SNX30: variants seen among roughly 807,000 people sequenced by gnomAD.
SNX30 encodes the protein sorting nexin family member 30, also known as sorting nexin-30.
A neutral mutation model predicts 46.4 loss-of-function variants in SNX30; 24 were observed. The ratio of observed to expected loss-of-function variants is 0.52; its 90% confidence interval spans 0.37 to 0.73. The LOEUF is 0.73. SNX30 is among the 30% of genes least tolerant of loss of function. The pLI, the probability that SNX30 is intolerant of heterozygous loss-of-function variation, is 0.00. For synonymous variants in SNX30, 189 were observed against 211.5 expected, an observed-to-expected ratio of 0.89 and a Z score of 0.92; for missense variants, 533 against 555.7, an observed-to-expected ratio of 0.96 and a Z score of 0.41.
At chr9:112,774,844 C>CTTT (rs1279442088) in intron 1 of SNX30, among the ~76,000 whole-genome samples, 9 of 128,782 alleles carry the variant, frequency 7.0e-5, no homozygotes, top group South Asian at 2.5e-4. Context: ...TATTTATATG[C>CTTT]TTTTTTTTTT....
chr9:112,792,202 G>A (rs958323898), intron 1 of SNX30, among the ~76,000 whole-genome samples: 4 of 152,308 alleles, frequency 2.6e-5, no homozygotes, highest in South Asian at 2.1e-4. Context: ...TTACCTCTTC[G>A]TGGATGTTCT....
In SNX30 at chr9:112,869,008, A is replaced by G. The variant is rs1477987160; in HGVS notation, c.*165A>G. On this transcript the variant is annotated 3_prime_UTR_variant, in exon 9 of 9. Coordinates refer to ENST00000374232, the MANE Select transcript of SNX30 (RefSeq NM_001012994.2). ...ACCTTTCACCCCACAGTGGTTTTCA[A>G]TTAGTATTTATTCCATGGTGGAGTC... The G allele has an allele frequency of 3.5e-5, 23 of 657,970 alleles. No individual in the cohort carries two copies. In the East Asian group the frequency reaches 5.4e-4, roughly 15 times the overall value. The allele number at this position is 657,970 out of a possible 1,614,324, so 40.8% of individuals were successfully genotyped here.
chr9:112,818,013 G>A lies in SNX30; in HGVS notation c.459+198G>A, dbSNP rs372343387. ...TTGGTATATAGAAAGCCAGTTTTGCGGCTGGCTGGGCTTTCTTTAGCCACA... is the reference window on the plus strand; with the variant it reads ...TTGGTATATAGAAAGCCAGTTTTGCAGCTGGCTGGGCTTTCTTTAGCCACA... On this transcript the variant is annotated intron_variant, in intron 3 of 8. Coordinates refer to ENST00000374232, the MANE Select transcript of SNX30 (RefSeq NM_001012994.2). Among the ~76,000 whole-genome samples the A allele has an allele frequency of 1.1e-4, 17 of 152,164 alleles. No individual in the cohort carries two copies. In the East Asian group the frequency reaches 1.5e-3, roughly 14 times the overall value.
chr9:112,839,796 T>C (rs1840826688), intron 6 of SNX30, among the ~76,000 whole-genome samples: 1 of 152,198 alleles, frequency 6.6e-6, no homozygotes, highest in Admixed American at 6.5e-5. Flanking sequence ...AAGACCTGAA[T>C]AGGGACTGAC....
At chr9:112,850,120 T>TA (rs1840999794) in intron 6 of SNX30, among the ~76,000 whole-genome samples, 1 of 152,182 alleles carries the variant, frequency 6.6e-6, no homozygotes, top group Non-Finnish European at 1.5e-5. Flanking sequence ...AGTGTCTCCT[T>TA]ACATTTTGCA....
chr9:112,749,851 C>T (rs548743039), upstream of SNX30, among the ~76,000 whole-genome samples: 3 of 152,306 alleles, frequency 2.0e-5, no homozygotes, highest in African/African-American at 7.2e-5. Context: ...CACGATGAGC[C>T]TCCCTACCCA....
At chr9:112,761,265 C>T (rs527329226) in intron 1 of SNX30, among the ~76,000 whole-genome samples, 361 of 152,264 alleles carry the variant, frequency 2.4e-3, no homozygotes, top group African/African-American at 8.2e-3. Flanking sequence ...TGTGTTCAAG[C>T]GATTCTCCTG....
rs910945490 is a variant in SNX30 at position 112,792,750 on chromosome 9, C to T, written c.157-12026C>T. ...GCCATTTTCCTTTTTCTATATTGTT[C>T]AGATTTCCTAAGTTTTAGTTTATCT... On this transcript the variant is annotated intron_variant, in intron 1 of 8. Coordinates refer to ENST00000374232, the MANE Select transcript of SNX30 (RefSeq NM_001012994.2). Among the ~76,000 whole-genome samples the T allele has an allele frequency of 7.9e-5, 12 of 152,102 alleles. No homozygotes were observed. In the East Asian group the frequency reaches 1.9e-3, roughly 24 times the overall value.
intron 1 of SNX30, among the ~76,000 whole-genome samples, chr9:112,765,736 T>C (rs1338883583): frequency 6.6e-6 from 1 of 152,238 alleles, no homozygotes; most frequent in Non-Finnish European, 1.5e-5. Flanking sequence ...ATTACCACAA[T>C]TAAGCTAGCT....
At chr9:112,811,264 C>T (rs1840314475) in intron 2 of SNX30, among the ~76,000 whole-genome samples, 1 of 152,128 alleles carries the variant, frequency 6.6e-6, no homozygotes, top group Non-Finnish European at 1.5e-5. Flanking sequence ...GGAAGAGATC[C>T]CTTTGTTGGG....
chr9:112,787,108 G>A (rs1364888827), intron 1 of SNX30, among the ~76,000 whole-genome samples: 2 of 152,202 alleles, frequency 1.3e-5, no homozygotes, highest in Non-Finnish European at 2.9e-5. Context: ...GTACTTTTGG[G>A]TTGTAGGCTA....
downstream of SNX30, chr9:112,879,758 A>T (rs752961809): frequency 6.2e-7 from 1 of 1,611,928 alleles, no homozygotes; most frequent in East Asian, 2.2e-5. Flanking sequence ...GCAGGTAAGC[A>T]TCTTCATTTC....
chr9:112,756,506 ACGATCTCAGCTCACTG>A (rs1306761951), intron 1 of SNX30, among the ~76,000 whole-genome samples: 2 of 136,580 alleles, frequency 1.5e-5, no homozygotes, highest in African/African-American at 2.8e-5. Context: ...GTGCAATGGC[ACGATCTCAGCTCACTG>A]CGATCTCAGC....
chr9:112,864,618 T>C (rs1362752262), intron 8 of SNX30, among the ~76,000 whole-genome samples: 1 of 152,214 alleles, frequency 6.6e-6, no homozygotes, highest in Non-Finnish European at 1.5e-5. Context: ...TTGCACATGC[T>C]GCTGGGGAAG....
downstream of SNX30, chr9:112,875,107 C>T (rs1455181923): frequency 1.3e-5 from 2 of 152,206 alleles, no homozygotes; most frequent in African/African-American, 2.4e-5. Flanking sequence ...TCAAGACATA[C>T]AGAGCGACAG....
chr9:112,830,374 C>G (rs1840642976), intron 3 of SNX30, among the ~76,000 whole-genome samples: 1 of 151,838 alleles, frequency 6.6e-6, no homozygotes, highest in Non-Finnish European at 1.5e-5. Context: ...TGCCTTCTTT[C>G]TTTTCTTTTT....
At chr9:112,762,415 G>T (rs1457069631) in intron 1 of SNX30, among the ~76,000 whole-genome samples, 1 of 152,156 alleles carries the variant, frequency 6.6e-6, no homozygotes, top group Non-Finnish European at 1.5e-5. Flanking sequence ...TGGGGCTGTA[G>T]AGAAAGATAA....
intron 1 of SNX30, among the ~76,000 whole-genome samples, chr9:112,771,945 C>G (rs766218726): frequency 6.6e-6 from 1 of 152,136 alleles, no homozygotes; most frequent in Non-Finnish European, 1.5e-5. Flanking sequence ...ACTTTTTGTT[C>G]TGGCTTGAGA....
intron 1 of SNX30, among the ~76,000 whole-genome samples, chr9:112,754,505 A>G (rs1277359505): frequency 7.0e-6 from 1 of 142,456 alleles, no homozygotes; most frequent in Admixed American, 7.7e-5. Flanking sequence ...TCCTGGGTTC[A>G]TGTGATTCTC....
Sources: gnomAD v4.1 joint callset for allele counts (sites outside exome capture counted in the v4.1 genomes callset) on GRCh38, gnomAD v4.1.1 for gene constraint, MANE v1.5 for transcripts, NCBI Gene and HGNC (gene_info 2026-07-23, HGNC 2026-07-21) for gene names.